Variants in CTDP1 observed in about 807,000 individuals in gnomAD.
CTDP1 encodes the protein CTD phosphatase 1, also known as RNA polymerase II subunit A C-terminal domain phosphatase.
A neutral mutation model predicts 91.8 loss-of-function variants in CTDP1; 47 were observed. The ratio of observed to expected loss-of-function variants is 0.51; its 90% CI spans 0.41 to 0.65. The LOEUF is 0.65. Ranked by LOEUF, CTDP1 falls within the 30% of genes least tolerant of loss-of-function variation. The probability of loss-of-function intolerance (pLI) is 0.00; values close to 1 mark genes in which losing one functional copy is unlikely to be tolerated. For synonymous variants in CTDP1, 656 were observed against 598.5 expected (o/e 1.10, Z -1.40); for missense variants, 1,272 against 1,373.7 (o/e 0.93, Z 1.17).
chr18:79,755,925 G>C (rs373737905), downstream of CTDP1: 49 of 55,500 alleles, frequency 8.8e-4, no homozygotes, highest in African/African-American at 2.1e-3. Flanking sequence ...TTCAGGACCA[G>C]CGTGGCCCTG....
At position 79,712,862 on chromosome 18, in the gene CTDP1, C is replaced by T; in HGVS notation, c.864-110C>T. On this transcript the variant is annotated intron_variant, in intron 6 of 12. Transcript: ENST00000613122. ...GGTTGGTGTCCGTCTGATTAACCTG[C>T]TGTCTGCTGGTTACATGTGGATTAG... 2.5e-6 allele frequency: 3 copies of T among 1,191,594 alleles called. No homozygotes were observed. In the Admixed American group the frequency reaches 5.5e-5, roughly 22 times the overall value. 73.8% of individuals were successfully genotyped at this position (1,191,594 alleles called of 1,614,324 possible).
At chr18:79,743,435 A>G (rs1300358329) in intron 12 of CTDP1, among the ~76,000 whole-genome samples, 1 of 150,760 alleles carries the variant, frequency 6.6e-6, no homozygotes, top group African/African-American at 2.4e-5. Context: ...CTGAGGCAGG[A>G]GAATTGCTTG....
rs141761727 is a variant in CTDP1 at position 79,711,861 on chromosome 18, C to T, written c.864-1111C>T. On this transcript the variant is annotated intron_variant, in intron 6 of 12. Transcript: ENST00000613122. ...TTTGACGTTTCTTGCCCACTGTATT[C>T]GAGGAGTTTCCCCATTTCCACCCGG... Among the ~76,000 whole-genome samples, 397 of 152,164 alleles carry T rather than the reference C, an allele frequency of 2.6e-3. 1 individual carries two copies. The highest frequency in any genetic ancestry group is 9.0e-3 in the African/African-American group (374 of 41,492).
At chr18:79,699,562 C>T (rs777401911) in intron 4 of CTDP1, among the ~76,000 whole-genome samples, 5 of 152,002 alleles carry the variant, frequency 3.3e-5, no homozygotes, top group Non-Finnish European at 5.9e-5. Context: ...CGCGCCCGCC[C>T]AAGGTTTTTT....
chr18:79,733,237 G>A (rs1218084410), intron 11 of CTDP1, among the ~76,000 whole-genome samples: 3 of 152,208 alleles, frequency 2.0e-5, no homozygotes, highest in Admixed American at 6.5e-5. Context: ...ACAGGTGTGC[G>A]TTTGGCGTGT....
Position 79,754,357 on chromosome 18 carries a change from T to G in CTDP1, c.*567T>G. ...CGTGGCCTGGGCTGCCATCCTGCCG[T>G]CCTCCCACTGGCATCCTGGCAAGGG... On this transcript the variant is annotated 3_prime_UTR_variant, in exon 13 of 13. Transcript: ENST00000613122. The G allele has an allele frequency of 6.4e-6, 1 of 155,760 alleles. No individual in the cohort carries two copies. Among genetic ancestry groups the G allele is most frequent in the Admixed American group, 6.3e-5 (1 of 15,980 alleles). 9.6% of individuals were successfully genotyped at this position (155,760 alleles called of 1,614,324 possible). A position where few individuals can be genotyped will look rare whatever the true frequency, so the allele number is the denominator to read the frequency against.
chr18:79,716,774 C>T lies in CTDP1; in HGVS notation c.2069-761C>T, dbSNP rs144935024. Among the ~76,000 whole-genome samples the T allele has an allele frequency of 4.0e-3, 617 of 152,370 alleles. 8 individuals are homozygous for T. Among genetic ancestry groups the T allele is most frequent in the African/African-American group, 0.014 (563 of 41,590 alleles). ...CTTCCTTCCCCCTGAATTGTGCTCA[C>T]GTTTCCTTTTTGCTTCTGTGTACGT... On this transcript the variant is annotated intron_variant, in intron 8 of 12. Coordinates refer to ENST00000613122, the MANE Select transcript of CTDP1 (RefSeq NM_004715.5).
At chr18:79,677,881 C>A (rs569434945), upstream of CTDP1, 3 of 152,322 alleles carry the variant, frequency 2.0e-5, no homozygotes, top group East Asian at 3.9e-4. Context: ...AGTTTTGTTA[C>A]CTGGTTGCTC....
At chr18:79,743,591 CCTG>C (rs2086825210) in intron 12 of CTDP1, among the ~76,000 whole-genome samples, 1 of 150,004 alleles carries the variant, frequency 6.7e-6, no homozygotes, top group Non-Finnish European at 1.5e-5. Context: ...TGCTCTCACT[CCTG>C]CTGTAAATAA....
chr18:79,738,901 G>A (rs2086720548), intron 12 of CTDP1, among the ~76,000 whole-genome samples: 1 of 152,224 alleles, frequency 6.6e-6, no homozygotes, highest in Admixed American at 6.5e-5. Flanking sequence ...TTCCGTATTG[G>A]GTGATAACAA....
At position 79,753,961 on chromosome 18, in the gene CTDP1, A is replaced by C. The variant is rs547048517; in HGVS notation, c.*171A>C. On this transcript the variant is annotated 3_prime_UTR_variant, in exon 13 of 13. Transcript: ENST00000613122. ...TTTGCAGAAATAGGTGTTTTTAAGA[A>C]GTTTTACTACAGGAATGTCTACTTT... 3 of 910,406 alleles carry C rather than the reference A, an allele frequency of 3.3e-6. No homozygotes were observed. Among genetic ancestry groups the C allele is most frequent in the South Asian group, 3.4e-5 (2 of 59,420 alleles). 56.4% of individuals were successfully genotyped at this position (910,406 alleles called of 1,614,324 possible).
At chr18:79,739,850 T>TCGGCGCTTG (rs1288194047) in intron 12 of CTDP1, among the ~76,000 whole-genome samples, 117 of 83,658 alleles carry the variant, frequency 1.4e-3, no homozygotes, top group Non-Finnish European at 1.9e-3. Context: ...CGGGTGGGAC[T>TCGGCGCTTG]CTCATACCCA....
At chr18:79,750,185 A>AT (rs879458789) in intron 12 of CTDP1, among the ~76,000 whole-genome samples, 16 of 147,186 alleles carry the variant, frequency 1.1e-4, no homozygotes, top group South Asian at 2.1e-4. Flanking sequence ...GTGCGCGGAG[A>AT]TTTTTTTTTT....
intron 12 of CTDP1, among the ~76,000 whole-genome samples, chr18:79,741,750 T>C (rs949475060): frequency 3.9e-5 from 6 of 152,220 alleles, no homozygotes; most frequent in Non-Finnish European, 7.3e-5. Context: ...CCTCCTCTTG[T>C]CCGTTTGGGA....
chr18:79,744,290 G>C (rs1448355406), intron 12 of CTDP1, among the ~76,000 whole-genome samples: 2 of 152,356 alleles, frequency 1.3e-5, no homozygotes, highest in East Asian at 3.9e-4. Context: ...CGTGTCACAG[G>C]CAGGTGACCC....
At chr18:79,752,342 G>T (rs1436594922) in intron 12 of CTDP1, among the ~76,000 whole-genome samples, 3 of 134,898 alleles carry the variant, frequency 2.2e-5, no homozygotes, top group African/African-American at 8.4e-5. Flanking sequence ...TTATGCAGAG[G>T]CTCCTAAGGA....
chr18:79,727,073 C>T (rs1176298792), intron 10 of CTDP1, among the ~76,000 whole-genome samples: 1 of 151,676 alleles, frequency 6.6e-6, no homozygotes, highest in Admixed American at 6.6e-5. Flanking sequence ...GAATCCTGAC[C>T]TTCCCGCGTG....
chr18:79,748,392 A>G lies in CTDP1; in HGVS notation c.2748-5260A>G, dbSNP rs369698546. Among the ~76,000 whole-genome samples, 102 of 152,304 alleles carry G rather than the reference A, an allele frequency of 6.7e-4. No individual in the cohort carries two copies. The South Asian group carries it at 0.015, about 23-fold the overall frequency. On this transcript the variant is annotated intron_variant, in intron 12 of 12. Transcript: ENST00000613122. Reference sequence around the variant, plus strand: ...GACCGCGCAGGGCCTGGGGGGACCCATGGAGGGAGGGCCGCCCCAGCCCGG... The same window carrying G: ...GACCGCGCAGGGCCTGGGGGGACCCGTGGAGGGAGGGCCGCCCCAGCCCGG...
rs1284408593 is a variant in CTDP1 at position 79,715,029 on chromosome 18, C to G, written c.1569C>G (p.Ala523=). The G allele has an allele frequency of 6.2e-6, 10 of 1,604,348 alleles. No individual in the cohort carries two copies. The highest frequency in any genetic ancestry group is 8.5e-6 in the Non-Finnish European group (10 of 1,176,442). The part of the protein sequence containing the change: ...LPGEAEPGAH[A]PDKEPELGGQ... The stretch of plus-strand genomic sequence containing the variant: ...GAGAGGCCGAGCCTGGCGCGCATGC[C>G]CCGGACAAGGAGCCTGAGCTGGGTG... The change falls in exon 8 of 13, where the codon GCC becomes GCG. Residue 523 remains alanine (A), a synonymous_variant. Transcript: ENST00000613122.
Sources: allele counts gnomAD v4.1 joint callset (sites outside exome capture counted in the v4.1 genomes callset), GRCh38; gene constraint gnomAD v4.1.1; transcripts MANE v1.5; gene names NCBI Gene and HGNC (gene_info 2026-07-23, HGNC 2026-07-21).